ZNF398: variants seen among roughly 807,000 people sequenced by gnomAD.
The protein encoded by ZNF398 is zinc finger DNA binding protein ZER6.
A neutral mutation model predicts 41.9 loss-of-function variants in ZNF398; 18 were observed. The ratio of observed to expected loss-of-function variants is 0.43; its 90% CI spans 0.30 to 0.64. The LOEUF is 0.64. Ranked by LOEUF, ZNF398 falls within the 30% of genes least tolerant of loss-of-function variation. The pLI is 0.14. For synonymous variants in ZNF398, 260 were observed against 308.8 expected (o/e 0.84, Z 1.66); for missense variants, 669 against 822.8 (o/e 0.81, Z 2.29).
At chr7:149,160,308 G>A (rs1479360782) in intron 2 of ZNF398, among the ~76,000 whole-genome samples, 1 of 152,130 alleles carries the variant, frequency 6.6e-6, no homozygotes, top group East Asian at 1.9e-4. Context: ...GTGGGGGCCT[G>A]TAGTCCCAGC....
In ZNF398 at chr7:149,179,602, G is replaced by A. The variant is rs532116376; in HGVS notation, c.1730G>A (p.Arg577His). 1.8e-5 allele frequency: 29 copies of A among 1,614,152 alleles called. No homozygotes were observed. The highest frequency in any genetic ancestry group is 3.3e-5 in the South Asian group (3 of 91,078). The change falls in exon 6 of 6, where the codon CGC becomes CAC. Residue 577 changes from arginine (R) to histidine (H), a missense_variant. Physicochemically the swap from Arg to His is conservative, Grantham distance 29 (BLOSUM62 0). Transcript: ENST00000475153. This position sits in a 1 kb window ranked among gnomAD's most constrained non-coding sequence, Gnocchi z 6.1. ...YPCSYCGRSF[R>H]YKQTLKDHLR... Reference sequence around the variant, plus strand: ...TGCTCCTACTGTGGCAGGAGCTTCCGCTACAAACAGACACTCAAGGACCAC... The same window carrying A: ...TGCTCCTACTGTGGCAGGAGCTTCCACTACAAACAGACACTCAAGGACCAC...
chr7:149,133,693 G>A (rs59411435), intron 2 of ZNF398, among the ~76,000 whole-genome samples: 3,819 of 39,102 alleles, frequency 0.098, 204 homozygotes, highest in South Asian at 0.22. Flanking sequence ...ATATATGTGT[G>A]TATATATATA....
At chr7:149,139,981 G>A (rs905328829) in intron 2 of ZNF398, among the ~76,000 whole-genome samples, 2 of 151,972 alleles carry the variant, frequency 1.3e-5, no homozygotes, top group Non-Finnish European at 2.9e-5. Context: ...CTGGGCAACA[G>A]AGCGAAATCC....
intron 2 of ZNF398, among the ~76,000 whole-genome samples, chr7:149,133,777 G>A (rs1454745602): frequency 5.0e-5 from 7 of 140,292 alleles, no homozygotes; most frequent in African/African-American, 1.0e-4. Context: ...TTTTTGAGAC[G>A]GAGTTTTGCC....
intron 2 of ZNF398, among the ~76,000 whole-genome samples, chr7:149,155,162 C>T (rs1444380133): frequency 1.3e-5 from 2 of 151,074 alleles, no homozygotes; most frequent in East Asian, 4.0e-4. Context: ...TGGCTCACAC[C>T]TGTAAACCCA....
rs1032153196 is a variant in ZNF398, at chr7:149,180,334, T to C, written c.*533T>C. The C allele has an allele frequency of 3.9e-5, 6 of 152,408 alleles. No individual in the cohort carries two copies. The highest frequency in any genetic ancestry group is 1.4e-4 in the African/African-American group (6 of 41,472). The allele number at this position is 152,408 out of a possible 1,614,324, so 9.4% of individuals were successfully genotyped here. ...TCTCTCAAAACCAGCCAAGATCTGT[T>C]CACACACCTCTGTGGCTGTCTTTCC... On this transcript the variant is annotated 3_prime_UTR_variant, in exon 6 of 6. Coordinates refer to ENST00000475153, the MANE Select transcript of ZNF398 (RefSeq NM_170686.3).
Position 149,181,257 on chromosome 7 carries a change from A to G in ZNF398, c.*1456A>G, listed in dbSNP as rs1554466955. On this transcript the variant is annotated 3_prime_UTR_variant, in exon 6 of 6. Transcript: ENST00000475153. ...CTTTGGCTTCTGTCCAGGCAAAGCT[A>G]AATAAGACAGCAAAGTCAAAGCAGA... 1.3e-5 allele frequency: 2 copies of G among 152,564 alleles called. No individual in the cohort carries two copies. Among genetic ancestry groups the G allele is most frequent in the South Asian group, 4.1e-4 (2 of 4,828 alleles). 9.5% of individuals were successfully genotyped at this position (152,564 alleles called of 1,614,324 possible). A position where few individuals can be genotyped will look rare whatever the true frequency, so the allele number is the denominator to read the frequency against.
chr7:149,168,382 A>G (rs1563164213), intron 4 of ZNF398, among the ~76,000 whole-genome samples: 1 of 151,818 alleles, frequency 6.6e-6, no homozygotes, highest in Non-Finnish European at 1.5e-5. Context: ...CCAGCCATCT[A>G]TCCTATTTTT....
intron 2 of ZNF398, among the ~76,000 whole-genome samples, chr7:149,135,682 G>A (rs2107846): frequency 0.53 from 80,744 of 151,400 alleles, 24,974 homozygotes; most frequent in East Asian, 0.9. Context: ...GTCCGGGTGC[G>A]GTAGCTCACA....
At chr7:149,159,437 A>G (rs1795053436) in intron 2 of ZNF398, among the ~76,000 whole-genome samples, 1 of 151,578 alleles carries the variant, frequency 6.6e-6, no homozygotes, top group Non-Finnish European at 1.5e-5. Context: ...CATGAGGTCA[A>G]GAGATCGAGA....
Position 149,136,867 on chromosome 7 carries a change from CT to C in ZNF398, c.-490+7939del, listed in dbSNP as rs143502050. On this transcript the variant is annotated intron_variant, in intron 2 of 6. Coordinates refer to the ZNF398 transcript ENST00000426851. ...ACAGGCGTGAGCCACCGCGCTGGGC[CT>C]TTTTTTTTTTTTTTTGAGACCGAGT... 4.0e-3 allele frequency among the ~76,000 whole-genome samples: 540 copies of C among 135,972 alleles called. 2 individuals carry two copies. Among genetic ancestry groups the C allele is most frequent in the Middle Eastern group, 0.015 (4 of 260 alleles). The allele number at this position is 135,972 out of a possible 152,430, so 89.2% of individuals were successfully genotyped here.
chr7:149,173,093 ATTTTTTTTTTTTTTT>A (rs71192762), intron 4 of ZNF398, among the ~76,000 whole-genome samples: 2 of 64,958 alleles, frequency 3.1e-5, no homozygotes, highest in African/African-American at 5.8e-5. Flanking sequence ...GGCAATTTCT[ATTTTTTTTTTTTTTT>A]TTTTTTTTTT....
At chr7:149,147,113 T>C (rs1461317581), upstream of ZNF398, 1 of 152,228 alleles carries the variant, frequency 6.6e-6, no homozygotes, top group African/African-American at 2.4e-5. This position sits in a 1 kb window ranked among gnomAD's most constrained non-coding sequence, Gnocchi z 5.6. Context: ...CCTGCACATT[T>C]CCGCTGTTCT....
At chr7:149,149,618 G>T (rs1257863941) in intron 1 of ZNF398, among the ~76,000 whole-genome samples, 3 of 152,110 alleles carry the variant, frequency 2.0e-5, no homozygotes, top group Non-Finnish European at 4.4e-5. Context: ...TGGGAAGACA[G>T]CTTTAGCCCA....
At chr7:149,176,405 T>A (rs1568944) in intron 4 of ZNF398, 63 bp from the exon 5 acceptor site, 812,389 of 1,114,724 alleles carry the variant, frequency 0.73, 300,852 homozygotes, top group East Asian at 0.96. Flanking sequence ...GCAAACCAAC[T>A]TGATTATCTT....
upstream of ZNF398, among the ~76,000 whole-genome samples, chr7:149,143,282 G>A (rs1826865496): frequency 6.6e-6 from 1 of 152,160 alleles, no homozygotes; most frequent in Non-Finnish European, 1.5e-5. Flanking sequence ...CTTTAATTTT[G>A]TAATTTTCAG....
At chr7:149,142,442 C>A (rs1016919077) in intron 2 of ZNF398, among the ~76,000 whole-genome samples, 1 of 152,006 alleles carries the variant, frequency 6.6e-6, no homozygotes, top group Non-Finnish European at 1.5e-5. Context: ...CCGAGGCGGG[C>A]GGATCACGAG....
chr7:149,169,165 T>G (rs1270610716), intron 4 of ZNF398, among the ~76,000 whole-genome samples: 1 of 152,160 alleles, frequency 6.6e-6, no homozygotes, highest in Non-Finnish European at 1.5e-5. Context: ...TCTTGTCAGT[T>G]TGTTTTTACC....
rs538469777 is a variant in ZNF398, at chr7:149,154,650, G to C, written c.420+310G>C. 6.6e-5 allele frequency among the ~76,000 whole-genome samples: 10 copies of C among 151,894 alleles called. No homozygotes were observed. The East Asian group carries it at 1.9e-3, about 29-fold the overall frequency. Reference sequence around the variant, plus strand: ...TTACCCATGAGCCGCTTCTTTCTTCGTTAACTTGTGTGCCAGATTCTTGGG... The same window carrying C: ...TTACCCATGAGCCGCTTCTTTCTTCCTTAACTTGTGTGCCAGATTCTTGGG... On this transcript the variant is annotated intron_variant, in intron 2 of 5. Transcript: ENST00000475153.
Sources: allele counts gnomAD v4.1 joint callset (sites outside exome capture counted in the v4.1 genomes callset), GRCh38; gene constraint gnomAD v4.1.1; non-coding constraint Gnocchi (gnomAD v3.1); transcripts MANE v1.5; gene names NCBI Gene and HGNC (gene_info 2026-07-23, HGNC 2026-07-21).